The following SGCZ variants were observed in gnomAD, a reference collection of about 807,000 sequenced individuals.
SGCZ encodes zeta-sarcoglycan.
SGCZ carries 40 observed loss-of-function variants against 41.3 expected under a neutral mutation model. The ratio of observed to expected loss-of-function variants is 0.97; its 90% CI spans 0.75 to 1.26. The LOEUF (loss-of-function observed/expected upper bound fraction) is 1.26. Ranked by LOEUF, SGCZ falls within the 50% of genes most tolerant of loss-of-function variation. SGCZ has a pLI of 0.00. For synonymous variants in SGCZ, 206 were observed against 137.5 expected, an observed-to-expected ratio of 1.50 and a Z score of -3.49; for missense variants, 552 against 369.8, an observed-to-expected ratio of 1.49 and a Z score of -4.04.
chr8:14,711,795 T>C (rs1809527508), intron 1 of SGCZ, among the ~76,000 whole-genome samples: 2 of 152,288 alleles, frequency 1.3e-5, no homozygotes, highest in African/African-American at 4.8e-5. Context: ...TGGTACGTTC[T>C]GATAGGAGAT....
At chr8:14,176,188 T>C (rs1394823256) in intron 4 of SGCZ, among the ~76,000 whole-genome samples, 3 of 152,192 alleles carry the variant, frequency 2.0e-5, no homozygotes, top group Admixed American at 6.5e-5. Context: ...ATACTGGTCC[T>C]ACACAGAACC....
At chr8:14,130,521 T>C (rs978612809) in intron 5 of SGCZ, among the ~76,000 whole-genome samples, 1 of 152,066 alleles carries the variant, frequency 6.6e-6, no homozygotes, top group African/African-American at 2.4e-5. Flanking sequence ...AAATAAGCAG[T>C]TTTTGACTAG....
intron 5 of SGCZ, chr8:14,162,607 C>T (rs1263128503): frequency 6.6e-6 from 1 of 152,280 alleles, no homozygotes; most frequent in Non-Finnish European, 1.5e-5. Context: ...AATCTGTACC[C>T]TCCGTACGTG....
At position 14,184,301 on chromosome 8, in the gene SGCZ, T is replaced by A. The variant is rs59538403; in HGVS notation, c.425-19599A>T. ...AAATATTCCCACCCCCAATAGCATC[T>A]TTATAACTCATACACTTATGGCCTG... is the stretch of plus-strand genomic sequence containing the variant. On this transcript the variant is annotated intron_variant, in intron 4 of 7. Transcript: ENST00000382080. 5.9e-3 allele frequency among the ~76,000 whole-genome samples: 900 copies of A among 152,266 alleles called. 9 individuals carry two copies. The highest frequency in any genetic ancestry group is 0.02 in the African/African-American group (845 of 41,574).
intron 1 of SGCZ, among the ~76,000 whole-genome samples, chr8:15,102,325 G>A (rs1171693855): frequency 6.6e-6 from 1 of 152,190 alleles, no homozygotes; most frequent in Non-Finnish European, 1.5e-5. Context: ...GTAAAACTAT[G>A]TGGAGAATAA....
At chr8:14,759,370 T>C (rs1799787484) in intron 1 of SGCZ, among the ~76,000 whole-genome samples, 1 of 152,176 alleles carries the variant, frequency 6.6e-6, no homozygotes, top group Non-Finnish European at 1.5e-5. Context: ...TATTTTTTGG[T>C]TTGAGGTTGT....
chr8:14,401,785 T>C (rs868610396), intron 2 of SGCZ, among the ~76,000 whole-genome samples: 1 of 151,010 alleles, frequency 6.6e-6, no homozygotes, highest in Non-Finnish European at 1.5e-5. Flanking sequence ...TGATTTATAG[T>C]CCTTTGGGTA....
At chr8:15,167,759 T>C (rs1164349991) in intron 1 of SGCZ, among the ~76,000 whole-genome samples, 3 of 152,188 alleles carry the variant, frequency 2.0e-5, no homozygotes, top group African/African-American at 7.2e-5. Context: ...ACTCACTAGT[T>C]GTCTTAAGTT....
intron 1 of SGCZ, among the ~76,000 whole-genome samples, chr8:14,660,571 CAAAAAAAAA>C (rs71304960): frequency 3.0e-5 from 2 of 67,296 alleles, no homozygotes; most frequent in African/African-American, 9.6e-5. Context: ...AACTCCATCT[CAAAAAAAAA>C]AAAAAAAAAA....
At chr8:14,787,109 T>C (rs894054765) in intron 1 of SGCZ, among the ~76,000 whole-genome samples, 2 of 152,154 alleles carry the variant, frequency 1.3e-5, no homozygotes, top group African/African-American at 4.8e-5. Flanking sequence ...TAATTTTATG[T>C]GGAGCCATAT....
chr8:14,722,637 G>A (rs911858948), intron 1 of SGCZ, among the ~76,000 whole-genome samples: 15 of 149,360 alleles, frequency 1.0e-4, no homozygotes. Context: ...GCAAGACAAA[G>A]TGAGAGAGAG....
intron 1 of SGCZ, among the ~76,000 whole-genome samples, chr8:14,563,694 C>G (rs1324255635): frequency 6.6e-6 from 1 of 152,138 alleles, no homozygotes; most frequent in South Asian, 2.1e-4. Context: ...TTTTAAAAAT[C>G]CAAGTTTCAT....
Position 14,589,924 on chromosome 8 carries a change from T to C in SGCZ, c.40-34998A>G, listed in dbSNP as rs188211704. 1.6e-3 allele frequency among the ~76,000 whole-genome samples: 241 copies of C among 152,298 alleles called. 1 individual carries two copies. Among genetic ancestry groups the C allele is most frequent in the South Asian group, 3.9e-3 (19 of 4,826 alleles). On this transcript the variant is annotated intron_variant, in intron 1 of 7. Coordinates refer to ENST00000382080, the MANE Select transcript of SGCZ (RefSeq NM_139167.4). Reference sequence around the variant, plus strand: ...AACTTCTTAGTCCAGGTTTCTTTATTGACTCCTGTAATTCCTTTCACCCAG... The same window carrying C: ...AACTTCTTAGTCCAGGTTTCTTTATCGACTCCTGTAATTCCTTTCACCCAG...
intron 4 of SGCZ, among the ~76,000 whole-genome samples, chr8:14,221,683 C>T (rs1027753721): frequency 2.0e-5 from 3 of 151,980 alleles, no homozygotes; most frequent in African/African-American, 7.3e-5. Context: ...TGCCTGGAAT[C>T]CCAGCACTTT....
intron 3 of SGCZ, among the ~76,000 whole-genome samples, chr8:14,257,861 T>C (rs925434745): frequency 1.3e-5 from 2 of 152,180 alleles, no homozygotes; most frequent in Non-Finnish European, 2.9e-5. Context: ...AAGAGCTTTG[T>C]TTCTTTTAAT....
intron 2 of SGCZ, among the ~76,000 whole-genome samples, chr8:14,403,993 A>G (rs1252092372): frequency 1.3e-5 from 2 of 152,164 alleles, no homozygotes; most frequent in African/African-American, 4.8e-5. Context: ...ACCATGTATA[A>G]AGCCCAGAGA....
rs1368126283 is a variant in SGCZ, at chr8:15,063,544, A to T, written c.39+174041T>A. Among the ~76,000 whole-genome samples, 3 of 152,312 alleles carry T rather than the reference A, an allele frequency of 2.0e-5. No homozygotes were observed. The East Asian group carries it at 5.8e-4, about 29-fold the overall frequency. On this transcript the variant is annotated intron_variant, in intron 1 of 7. Transcript: ENST00000382080. ...CCCAACTTATTCCTTTATGACCACC[A>T]ATGATTTTTAAAAATCTCTTTCAAA...
At chr8:14,601,417 A>G (rs539819211) in intron 1 of SGCZ, among the ~76,000 whole-genome samples, 84 of 152,292 alleles carry the variant, frequency 5.5e-4, no homozygotes, top group African/African-American at 1.5e-3. Context: ...AATACAATAA[A>G]TGGAAGAATA....
intron 2 of SGCZ, among the ~76,000 whole-genome samples, chr8:14,508,428 G>T (rs1311355448): frequency 6.6e-6 from 1 of 152,138 alleles, no homozygotes; most frequent in Non-Finnish European, 1.5e-5. Context: ...TCTAAAGTCT[G>T]AGAAGAAAGA....
Sources: allele counts gnomAD v4.1 joint callset (sites outside exome capture counted in the v4.1 genomes callset), GRCh38; gene constraint gnomAD v4.1.1; transcripts MANE v1.5; gene names NCBI Gene and HGNC (gene_info 2026-07-23, HGNC 2026-07-21).